The following THSD4 variants were observed in gnomAD, a reference collection of about 807,000 sequenced individuals.
THSD4 encodes thrombospondin type 1 domain containing 4, also known as thrombospondin type-1 domain-containing protein 4.
THSD4 carries 69 observed loss-of-function variants against 119.0 expected under a neutral mutation model. The observed-to-expected ratio is 0.58, with a 90% CI of 0.48 to 0.71. The LOEUF is 0.71. Ranked by LOEUF, THSD4 falls within the 30% of genes least tolerant of loss-of-function variation. The probability of loss-of-function intolerance (pLI) is 0.00; values close to 1 mark genes in which losing one functional copy is unlikely to be tolerated. For synonymous variants in THSD4, 524 were observed against 540.4 expected (o/e 0.97, Z 0.42); for missense variants, 1,393 against 1,391.1 (o/e 1.00, Z -0.02).
At chr15:71,694,461 T>A (rs1013434712) in intron 8 of THSD4, among the ~76,000 whole-genome samples, 1 of 152,242 alleles carries the variant, frequency 6.6e-6, no homozygotes, top group Admixed American at 6.5e-5. Context: ...GGATTATACA[T>A]TTTCCTTCCA....
At chr15:71,625,336 A>G (rs4238443) in intron 7 of THSD4, among the ~76,000 whole-genome samples, 80,368 of 152,044 alleles carry the variant, frequency 0.53, 21,663 homozygotes, top group African/African-American at 0.6. Flanking sequence ...TGATAAATCC[A>G]TCTATTCTAC....
At chr15:71,546,544 T>C (rs901874320) in intron 7 of THSD4, among the ~76,000 whole-genome samples, 1 of 152,224 alleles carries the variant, frequency 6.6e-6, no homozygotes, top group Non-Finnish European at 1.5e-5. Context: ...TGCATTTCAG[T>C]GTACTCTGAC....
intron 7 of THSD4, among the ~76,000 whole-genome samples, chr15:71,455,005 T>C (rs76843732): frequency 0.018 from 2,790 of 152,276 alleles, 55 homozygotes; most frequent in Non-Finnish European, 0.022. Context: ...AGGCTCCCTC[T>C]CCCTTCCTAT....
At chr15:71,566,864 G>A (rs1567040459) in intron 7 of THSD4, among the ~76,000 whole-genome samples, 1 of 151,814 alleles carries the variant, frequency 6.6e-6, no homozygotes, top group Non-Finnish European at 1.5e-5. Context: ...TACTTAACTG[G>A]GATTCTTTGA....
chr15:71,440,707 C>T (rs1310913339), intron 7 of THSD4, among the ~76,000 whole-genome samples: 1 of 152,086 alleles, frequency 6.6e-6, no homozygotes, highest in Admixed American at 6.5e-5. Flanking sequence ...ATATCTTTCT[C>T]AAAAGCAGCT....
chr15:71,158,444 C>T (rs190528942), intron 3 of THSD4, among the ~76,000 whole-genome samples: 7 of 152,234 alleles, frequency 4.6e-5, no homozygotes, highest in Admixed American at 2.0e-4. Flanking sequence ...GGAGCCACCG[C>T]GCCTGGCCAA....
At chr15:71,368,163 C>A (rs2140430754) in intron 6 of THSD4, among the ~76,000 whole-genome samples, 1 of 152,090 alleles carries the variant, frequency 6.6e-6, no homozygotes, top group South Asian at 2.1e-4. Context: ...TGTTTGAGTT[C>A]TTTGTGGATT....
At chr15:71,591,634 G>C (rs1039567241) in intron 7 of THSD4, among the ~76,000 whole-genome samples, 2 of 152,100 alleles carry the variant, frequency 1.3e-5, no homozygotes, top group African/African-American at 2.4e-5. Context: ...GGAGATGTCA[G>C]AGGGCAGCTG....
Position 71,367,698 on chromosome 15 carries a change from G to C in THSD4, c.1016-43989G>C, listed in dbSNP as rs193078180. ...CAGTCTATCATTGATGGACATTTGGGTTGGTTCCAAGTCTTTGCTATTGTG... is the reference window on the plus strand; with the variant it reads ...CAGTCTATCATTGATGGACATTTGGCTTGGTTCCAAGTCTTTGCTATTGTG... On this transcript the variant is annotated intron_variant, in intron 6 of 17. Transcript: ENST00000261862. Among the ~76,000 whole-genome samples the C allele has an allele frequency of 3.3e-5, 5 of 152,322 alleles. No homozygotes were observed. In the East Asian group the frequency reaches 7.7e-4, roughly 23 times the overall value.
At chr15:71,602,103 A>C (rs1369393826) in intron 7 of THSD4, among the ~76,000 whole-genome samples, 2 of 152,150 alleles carry the variant, frequency 1.3e-5, no homozygotes, top group Non-Finnish European at 2.9e-5. Flanking sequence ...GTGGGTAAGA[A>C]CAGACAGGAG....
intron 6 of THSD4, among the ~76,000 whole-genome samples, chr15:71,305,242 A>C (rs2045008351): frequency 6.6e-6 from 1 of 152,186 alleles, no homozygotes; most frequent in Non-Finnish European, 1.5e-5. Context: ...ACCAATTTCA[A>C]TCCAAGACAG....
intron 12 of THSD4, among the ~76,000 whole-genome samples, chr15:71,746,150 A>C (rs2053332052): frequency 6.6e-6 from 1 of 152,250 alleles, no homozygotes; most frequent in Non-Finnish European, 1.5e-5. Context: ...ATTGTTAATG[A>C]AAAATAATGC....
chr15:71,294,538 C>T (rs1212922936), intron 6 of THSD4, among the ~76,000 whole-genome samples: 1 of 152,096 alleles, frequency 6.6e-6, no homozygotes, highest in East Asian at 1.9e-4. Context: ...GGGTCTTGGC[C>T]TGAATGTTCC....
intron 6 of THSD4, among the ~76,000 whole-genome samples, chr15:71,314,939 A>G (rs906183691): frequency 6.6e-6 from 1 of 152,188 alleles, no homozygotes; most frequent in African/African-American, 2.4e-5. Flanking sequence ...TCTCTTATCT[A>G]GTTTAAAACA....
chr15:71,396,573 A>G (rs1313356345), intron 6 of THSD4, among the ~76,000 whole-genome samples: 3 of 152,154 alleles, frequency 2.0e-5, no homozygotes, highest in African/African-American at 7.2e-5. Context: ...GAGGATACGT[A>G]TCTATTCTGT....
upstream of THSD4, chr15:71,111,109 G>T (rs972701318): frequency 6.4e-7 from 1 of 1,565,172 alleles, no homozygotes; most frequent in African/African-American, 1.4e-5. Flanking sequence ...CTGAATATCT[G>T]GGATTCCAAA....
At chr15:71,639,613 C>A (rs1022718282) in intron 7 of THSD4, among the ~76,000 whole-genome samples, 1 of 152,042 alleles carries the variant, frequency 6.6e-6, no homozygotes, top group Non-Finnish European at 1.5e-5. Context: ...TGCTCAAGGG[C>A]CTTTAGATGT....
At chr15:71,549,202 T>C (rs2048888880) in intron 7 of THSD4, among the ~76,000 whole-genome samples, 1 of 152,234 alleles carries the variant, frequency 6.6e-6, no homozygotes, top group South Asian at 2.1e-4. Flanking sequence ...TAAAAGTATG[T>C]GTGCTTAACA....
At chr15:71,434,744 T>C (rs1362170882) in intron 7 of THSD4, among the ~76,000 whole-genome samples, 3 of 152,200 alleles carry the variant, frequency 2.0e-5, no homozygotes, top group African/African-American at 7.2e-5. Flanking sequence ...TGTCAGCTTT[T>C]AATGAAGCTG....
Sources: gnomAD v4.1 joint callset for allele counts (sites outside exome capture counted in the v4.1 genomes callset) on GRCh38, gnomAD v4.1.1 for gene constraint, MANE v1.5 for transcripts, NCBI Gene and HGNC (gene_info 2026-07-23, HGNC 2026-07-21) for gene names.